Variants in TAOK3 observed in about 807,000 individuals in gnomAD.
The protein encoded by TAOK3 is TAO kinase 3.
TAOK3 carries 40 observed loss-of-function variants against 120.4 expected under a neutral mutation model. The observed-to-expected ratio is 0.33, with a 90% confidence interval of 0.26 to 0.43. The LOEUF (loss-of-function observed/expected upper bound fraction) is 0.43, where lower values mean the gene tolerates loss of function less well. Ranked by LOEUF, TAOK3 falls within the 20% of genes least tolerant of loss-of-function variation. The pLI is 1.00. For missense variants in TAOK3, 821 were observed against 1,112.1 expected (o/e 0.74, Z 3.72); for synonymous variants, 355 against 387.5 (o/e 0.92, Z 0.99).
At chr12:118,362,891 C>T (rs1440182006) in intron 1 of TAOK3, among the ~76,000 whole-genome samples, 2 of 151,724 alleles carry the variant, frequency 1.3e-5, no homozygotes, top group African/African-American at 4.8e-5. Context: ...TAGTGGCATG[C>T]GCCTGTAATC....
chr12:118,269,383 C>CTTTTTTTTTT (rs1174725563), intron 1 of TAOK3, among the ~76,000 whole-genome samples: 2 of 103,884 alleles, frequency 1.9e-5, no homozygotes, highest in Non-Finnish European at 3.7e-5. Context: ...TCTCTCTCTT[C>CTTTTTTTTTT]TTTTTTTTTT....
chr12:118,198,794 C>A (rs866555246), intron 13 of TAOK3: 1 of 491,280 alleles, frequency 2.0e-6, no homozygotes, highest in Middle Eastern at 5.9e-4. Flanking sequence ...TAGAGAAGGA[C>A]TTATCAAATT....
chr12:118,324,528 C>T (rs914980691), intron 1 of TAOK3, among the ~76,000 whole-genome samples: 1 of 151,788 alleles, frequency 6.6e-6, no homozygotes, highest in African/African-American at 2.4e-5. Context: ...ATGCCTTCTT[C>T]CTCCTTCATC....
chr12:118,244,478 A>C (rs949232730), intron 4 of TAOK3, among the ~76,000 whole-genome samples: 1 of 152,152 alleles, frequency 6.6e-6, no homozygotes, highest in African/African-American at 2.4e-5. Context: ...AGAAGGAAAA[A>C]AAAATTGTTC....
chr12:118,205,319 A>G (rs1412124907), intron 11 of TAOK3, among the ~76,000 whole-genome samples: 5 of 151,840 alleles, frequency 3.3e-5, no homozygotes, highest in Admixed American at 2.0e-4. Context: ...ATGAGCCGAG[A>G]TCAGGCCACT....
intron 1 of TAOK3, among the ~76,000 whole-genome samples, chr12:118,363,774 G>C (rs981703643): frequency 1.6e-4 from 24 of 151,780 alleles, no homozygotes; most frequent in Admixed American, 2.6e-4. Flanking sequence ...GAGAGAGAGA[G>C]AGACAGACAG....
intron 1 of TAOK3, among the ~76,000 whole-genome samples, chr12:118,287,312 G>A (rs1488408334): frequency 6.6e-6 from 1 of 152,038 alleles, no homozygotes; most frequent in African/African-American, 2.4e-5. Flanking sequence ...GGAGTGCAGT[G>A]GTGCGATCTC....
chr12:118,227,571 C>T (rs960748817), intron 9 of TAOK3, among the ~76,000 whole-genome samples: 7 of 152,110 alleles, frequency 4.6e-5, no homozygotes, highest in African/African-American at 1.7e-4. Flanking sequence ...ATGCTAAATA[C>T]TTTACCTAAG....
chr12:118,235,794 C>A, intron 7 of TAOK3, 123 bp from the exon 8 acceptor site: 1 of 645,638 alleles, frequency 1.5e-6, no homozygotes, highest in South Asian at 2.1e-5. Flanking sequence ...ACAAAACAAA[C>A]CTTGCTCAGA....
intron 1 of TAOK3, among the ~76,000 whole-genome samples, chr12:118,317,892 A>G (rs2043536597): frequency 6.6e-6 from 1 of 152,160 alleles, no homozygotes; most frequent in South Asian, 2.1e-4. Context: ...AGTAATCAAA[A>G]CACTGCAGTA....
At chr12:118,175,313 A>G (rs889407604) in intron 16 of TAOK3, among the ~76,000 whole-genome samples, 6 of 152,128 alleles carry the variant, frequency 3.9e-5, no homozygotes, top group Non-Finnish European at 8.8e-5. Context: ...TGAGTCCTCT[A>G]TTGCTAACCT....
At chr12:118,313,082 C>T (rs774141565) in intron 1 of TAOK3, among the ~76,000 whole-genome samples, 4 of 151,790 alleles carry the variant, frequency 2.6e-5, no homozygotes, top group Non-Finnish European at 5.9e-5. Flanking sequence ...GAGTTAAAAG[C>T]AAACAAAATG....
chr12:118,281,218 A>G (rs1009524448), intron 1 of TAOK3, among the ~76,000 whole-genome samples: 1 of 152,110 alleles, frequency 6.6e-6, no homozygotes, highest in African/African-American at 2.4e-5. Context: ...CCTGGTCAGG[A>G]CTTCCAGTGC....
intron 9 of TAOK3, among the ~76,000 whole-genome samples, chr12:118,222,409 T>G (rs1032141577): frequency 6.6e-6 from 1 of 152,052 alleles, no homozygotes; most frequent in Admixed American, 6.6e-5. Flanking sequence ...GGCACGTGCC[T>G]GTAGTCCCAG....
chr12:118,218,441 T>C (rs1417238581), intron 9 of TAOK3, among the ~76,000 whole-genome samples: 1 of 152,104 alleles, frequency 6.6e-6, no homozygotes, highest in Non-Finnish European at 1.5e-5. Flanking sequence ...TAAAATGGCA[T>C]AGTATTTGCA....
intron 9 of TAOK3, among the ~76,000 whole-genome samples, chr12:118,223,451 A>G (rs1026976496): frequency 6.6e-6 from 1 of 150,852 alleles, no homozygotes; most frequent in African/African-American, 2.4e-5. Flanking sequence ...GGTTCACGCC[A>G]TTCTCCTGCC....
chr12:118,320,139 A>G (rs1350587293), intron 1 of TAOK3, among the ~76,000 whole-genome samples: 4 of 152,224 alleles, frequency 2.6e-5, no homozygotes, highest in African/African-American at 9.6e-5. Flanking sequence ...AATATTTAGA[A>G]TAGGCAAAAT....
intron 8 of TAOK3, among the ~76,000 whole-genome samples, 194 bp from the exon 9 acceptor site, chr12:118,233,959 T>C (rs1264737619): frequency 1.3e-5 from 2 of 152,138 alleles, no homozygotes; most frequent in Non-Finnish European, 2.9e-5. Flanking sequence ...TGACACAGTA[T>C]ATTATTTTCA....
In TAOK3 at chr12:118,308,170, G is replaced by A. The variant is rs2043121059; in HGVS notation, c.-193-41411C>T. Among the ~76,000 whole-genome samples, 6 of 152,034 alleles carry A rather than the reference G, an allele frequency of 3.9e-5. No individual in the cohort carries two copies. The South Asian group carries it at 1.2e-3, about 32-fold the overall frequency. ...CAAGATGGCAATGAGAATGACCTCTGGTCGTCCTCACTGCTATACTCCCAC... is the reference window on the plus strand; with the variant it reads ...CAAGATGGCAATGAGAATGACCTCTAGTCGTCCTCACTGCTATACTCCCAC... On this transcript the variant is annotated intron_variant, in intron 1 of 20. Coordinates refer to ENST00000392533, the MANE Select transcript of TAOK3 (RefSeq NM_016281.4).
Sources: gnomAD v4.1 joint callset for allele counts (sites outside exome capture counted in the v4.1 genomes callset) on GRCh38, gnomAD v4.1.1 for gene constraint, MANE v1.5 for transcripts, NCBI Gene and HGNC (gene_info 2026-07-23, HGNC 2026-07-21) for gene names.